Variants in ADAM10 observed in about 807,000 individuals in gnomAD.
ADAM10 encodes ADAM metallopeptidase domain 10.
A neutral mutation model predicts 90.1 loss-of-function variants in ADAM10; 17 were observed. The observed-to-expected ratio is 0.19, with a 90% CI of 0.13 to 0.28. ADAM10 has a LOEUF of 0.28. Among genes scored for constraint, ADAM10 ranks in the 10% least tolerant of loss-of-function variants. The probability of loss-of-function intolerance (pLI) is 1.00; values close to 1 mark genes in which losing one functional copy is unlikely to be tolerated. For missense variants in ADAM10, 610 were observed against 914.3 expected (o/e 0.67, Z 4.29); for synonymous variants, 310 against 298.6 (o/e 1.04, Z -0.40).
At chr15:58,616,365 T>G (rs768204624) in intron 11 of ADAM10, among the ~76,000 whole-genome samples, 1 of 152,212 alleles carries the variant, frequency 6.6e-6, no homozygotes, top group Non-Finnish European at 1.5e-5. Flanking sequence ...TTCTCCAGGA[T>G]AGACCACATA....
chr15:58,648,638 AGC>A (rs541249311), intron 5 of ADAM10, among the ~76,000 whole-genome samples: 7 of 152,262 alleles, frequency 4.6e-5, no homozygotes, highest in African/African-American at 1.7e-4. Flanking sequence ...CAAGTAGTTC[AGC>A]TCTCCCATAT....
chr15:58,593,481 AG>A lies in ADAM10; in HGVS notation c.*4065del, dbSNP rs1200729237. 6.6e-6 allele frequency: 1 copy of A among 152,636 alleles called. No individual in the cohort carries two copies. Among genetic ancestry groups the A allele is most frequent in the African/African-American group, 2.4e-5 (1 of 41,468 alleles). The allele number at this position is 152,636 out of a possible 1,614,324, so 9.5% of individuals were successfully genotyped here. On this transcript the variant is annotated 3_prime_UTR_variant, in exon 16 of 16. Coordinates refer to ENST00000260408, the MANE Select transcript of ADAM10 (RefSeq NM_001110.4). Reference sequence around the variant, plus strand: ...TGGCCTCCCAAAGTGCTGGGATTACAGGTGTGAGCCACCGCACCCAGCCCTG... The same window carrying A: ...TGGCCTCCCAAAGTGCTGGGATTACAGTGTGAGCCACCGCACCCAGCCCTG...
At chr15:58,600,701 C>A (rs1389544593) in intron 14 of ADAM10, among the ~76,000 whole-genome samples, 1 of 152,192 alleles carries the variant, frequency 6.6e-6, no homozygotes, top group African/African-American at 2.4e-5. Flanking sequence ...AGGAAAATTA[C>A]TGTGTCTAGT....
At chr15:58,692,608 A>C (rs1216371093) in intron 2 of ADAM10, 9 of 557,768 alleles carry the variant, frequency 1.6e-5, no homozygotes, top group Non-Finnish European at 2.9e-5. Flanking sequence ...TACTTCTTTG[A>C]CCCACCTCTC....
At chr15:58,669,499 T>G (rs1182344401) in intron 4 of ADAM10, among the ~76,000 whole-genome samples, 1 of 152,168 alleles carries the variant, frequency 6.6e-6, no homozygotes, top group African/African-American at 2.4e-5. Flanking sequence ...GGAGAGAGAA[T>G]GTACATGCTG....
intron 9 of ADAM10, among the ~76,000 whole-genome samples, chr15:58,631,085 T>C (rs1472280603): frequency 2.0e-5 from 3 of 152,142 alleles, no homozygotes; most frequent in African/African-American, 7.2e-5. Context: ...ACTCCCACCA[T>C]GTGATCTCTG....
At chr15:58,743,523 G>GT (rs1899681213) in intron 1 of ADAM10, among the ~76,000 whole-genome samples, 1 of 152,062 alleles carries the variant, frequency 6.6e-6, no homozygotes, top group South Asian at 2.1e-4. Context: ...CACAGTTGCT[G>GT]TAACACAGCT....
At chr15:58,736,306 C>T (rs1348553798) in intron 1 of ADAM10, among the ~76,000 whole-genome samples, 1 of 152,168 alleles carries the variant, frequency 6.6e-6, no homozygotes, top group Non-Finnish European at 1.5e-5. Flanking sequence ...CACAGAAAAG[C>T]GCACCAACAG....
At chr15:58,647,402 C>T (rs900291829) in intron 5 of ADAM10, among the ~76,000 whole-genome samples, 5 of 150,828 alleles carry the variant, frequency 3.3e-5, no homozygotes, top group African/African-American at 1.2e-4. Flanking sequence ...CTGGGACTAC[C>T]GGCGCCTGCC....
chr15:58,693,269 G>C (rs1271918299), intron 2 of ADAM10: 6 of 546,118 alleles, frequency 1.1e-5, no homozygotes, highest in Non-Finnish European at 2.0e-5. Context: ...ACGGCACCAA[G>C]GCTGCACAGG....
chr15:58,723,834 G>A (rs574086998), intron 1 of ADAM10, among the ~76,000 whole-genome samples: 2 of 151,966 alleles, frequency 1.3e-5, no homozygotes, highest in East Asian at 3.9e-4. Context: ...AACCATGAAA[G>A]AAACAATAAA....
intron 14 of ADAM10, 119 bp from the exon 15 acceptor site, chr15:58,599,843 T>G: frequency 9.6e-7 from 1 of 1,038,864 alleles, no homozygotes. Flanking sequence ...TAAAGAACAT[T>G]TGTTTAGGAG....
chr15:58,735,810 T>A (rs1352493737), intron 1 of ADAM10, among the ~76,000 whole-genome samples: 1 of 152,226 alleles, frequency 6.6e-6, no homozygotes, highest in Non-Finnish European at 1.5e-5. Flanking sequence ...TGAATCTTAC[T>A]ACCCAGCAAG....
chr15:58,652,420 C>T (rs572149737), intron 5 of ADAM10, among the ~76,000 whole-genome samples: 3 of 152,170 alleles, frequency 2.0e-5, no homozygotes, highest in South Asian at 2.1e-4. Flanking sequence ...TTTTTGTATA[C>T]GGTGAGAAAT....
rs1896355626 is a variant in ADAM10 at position 58,639,410 on chromosome 15, G to A, written c.1012+1367C>T. ...TACAAATAAAATCATATGAGACCCT[G>A]AGTTTTTAGTAGTACTTACTAATGA... is the stretch of plus-strand genomic sequence containing the variant. On this transcript the variant is annotated intron_variant, in intron 8 of 15. Coordinates refer to ENST00000260408, the MANE Select transcript of ADAM10 (RefSeq NM_001110.4). Among the ~76,000 whole-genome samples, 3 of 152,320 alleles carry A rather than the reference G, an allele frequency of 2.0e-5. No homozygotes were observed. In the South Asian group the frequency reaches 6.2e-4, roughly 32 times the overall value.
intron 14 of ADAM10, among the ~76,000 whole-genome samples, chr15:58,606,212 A>G (rs1161683561): frequency 1.3e-5 from 2 of 152,190 alleles, no homozygotes; most frequent in African/African-American, 4.8e-5. Context: ...GTTTCCTTTC[A>G]ATTTTTCAGA....
At chr15:58,690,547 C>T (rs1699111189) in intron 2 of ADAM10, among the ~76,000 whole-genome samples, 1 of 152,066 alleles carries the variant, frequency 6.6e-6, no homozygotes, top group African/African-American at 2.4e-5. Flanking sequence ...TATACAACAT[C>T]CAATTCTGCT....
At chr15:58,724,560 C>T (rs1898966895) in intron 1 of ADAM10, among the ~76,000 whole-genome samples, 1 of 152,176 alleles carries the variant, frequency 6.6e-6, no homozygotes, top group African/African-American at 2.4e-5. Context: ...CCTGAAGTTT[C>T]CACTTAATTG....
intron 10 of ADAM10, among the ~76,000 whole-genome samples, chr15:58,624,234 C>T (rs1358028002): frequency 2.0e-5 from 3 of 151,404 alleles, no homozygotes; most frequent in African/African-American, 7.3e-5. Context: ...TGCAGTGAGC[C>T]GAGATCGTGC....
Sources: gnomAD v4.1 joint callset for allele counts (sites outside exome capture counted in the v4.1 genomes callset) on GRCh38, gnomAD v4.1.1 for gene constraint, MANE v1.5 for transcripts, NCBI Gene and HGNC (gene_info 2026-07-23, HGNC 2026-07-21) for gene names.